FAT1: variants seen among roughly 807,000 people sequenced by gnomAD.
The protein encoded by FAT1 is protocadherin Fat 1.
A neutral mutation model predicts 329.8 loss-of-function variants in FAT1; 171 were observed. The observed-to-expected ratio is 0.52, with a 90% CI of 0.46 to 0.59. The LOEUF (loss-of-function observed/expected upper bound fraction) is 0.59, where lower values mean the gene tolerates loss of function less well. FAT1 is among the 20% of genes least tolerant of loss of function. The pLI is 0.00. For missense variants in FAT1, 5,672 were observed against 5,774.4 expected (o/e 0.98, Z 0.57); for synonymous variants, 2,233 against 2,228.6 (o/e 1.00, Z -0.06).
At chr4:186,658,421 G>A (rs1742017318) in intron 3 of FAT1, among the ~76,000 whole-genome samples, 1 of 152,108 alleles carries the variant, frequency 6.6e-6, no homozygotes, top group Non-Finnish European at 1.5e-5. Flanking sequence ...TTCTTGTTGT[G>A]ACTTTTAAAA....
In FAT1 at chr4:186,686,563, C is replaced by T. The variant is rs139318292; in HGVS notation, c.3265+20000G>A. On this transcript the variant is annotated intron_variant, in intron 2 of 26. Coordinates refer to ENST00000441802, the MANE Select transcript of FAT1 (RefSeq NM_005245.4). ...TAATATTTAATTATTGAATCTATTG[C>T]CTAAAGTCAGCAACTTTAAACTGGT... is the stretch of plus-strand genomic sequence containing the variant. 1.1e-3 allele frequency among the ~76,000 whole-genome samples: 167 copies of T among 152,290 alleles called. 1 individual carries two copies. Among genetic ancestry groups the T allele is most frequent in the African/African-American group, 3.6e-3 (150 of 41,550 alleles).
At chr4:186,682,841 A>G (rs569503366) in intron 2 of FAT1, among the ~76,000 whole-genome samples, 1 of 152,322 alleles carries the variant, frequency 6.6e-6, no homozygotes, top group East Asian at 1.9e-4. Flanking sequence ...GGAACCAGGC[A>G]GAAAGCCTGG....
chr4:186,725,751 T>TC (rs1205239364), upstream of FAT1, among the ~76,000 whole-genome samples: 1 of 152,116 alleles, frequency 6.6e-6, no homozygotes, highest in East Asian at 1.9e-4. The surrounding 1 kb of genome is among the most constrained non-coding windows in gnomAD (Gnocchi z 5.4). Flanking sequence ...TAATCGACCC[T>TC]CCCTAACCCT....
chr4:186,712,442 T>C (rs1007357157), intron 1 of FAT1, among the ~76,000 whole-genome samples: 2 of 152,174 alleles, frequency 1.3e-5, no homozygotes, highest in Non-Finnish European at 2.9e-5. Context: ...TTTACATAGG[T>C]TTAATGAGCA....
At chr4:186,631,331 TG>T (rs1740579295) in intron 7 of FAT1, among the ~76,000 whole-genome samples, 3 of 141,042 alleles carry the variant, frequency 2.1e-5, no homozygotes, top group African/African-American at 8.2e-5. Context: ...AGTGTCTCAC[TG>T]CCCAGCTGAC....
rs187708253 is a variant in FAT1 at position 186,710,032 on chromosome 4, T to C, written c.-18-187A>G. Among the ~76,000 whole-genome samples the C allele has an allele frequency of 2.6e-5, 4 of 152,352 alleles. No homozygotes were observed. In the East Asian group the frequency reaches 7.7e-4, roughly 29 times the overall value. ...AACATTCTTGTAACATGTCTAGAAT[T>C]ATTAAGCTTAACAAAAACTTCCTTT... On this transcript the variant is annotated intron_variant, in intron 1 of 26. Transcript: ENST00000441802.
At chr4:186,594,964 T>C (rs998248607) in intron 26 of FAT1, among the ~76,000 whole-genome samples, 19 of 152,042 alleles carry the variant, frequency 1.2e-4, no homozygotes, top group African/African-American at 4.1e-4. Context: ...GATTCAAAAA[T>C]TTCCACTAAA....
intron 2 of FAT1, among the ~76,000 whole-genome samples, chr4:186,675,769 C>T (rs1475958513): frequency 1.4e-5 from 2 of 142,138 alleles, no homozygotes; most frequent in Non-Finnish European, 3.0e-5. Context: ...CACATACACA[C>T]GACCCTGTCT....
At chr4:186,694,662 A>G (rs879342588) in intron 2 of FAT1, among the ~76,000 whole-genome samples, 1 of 152,168 alleles carries the variant, frequency 6.6e-6, no homozygotes, top group Non-Finnish European at 1.5e-5. Context: ...AGTAACCAAG[A>G]CACTTAAAAT....
At chr4:186,721,206 G>A (rs1745455694) in intron 1 of FAT1, among the ~76,000 whole-genome samples, 5 of 152,154 alleles carry the variant, frequency 3.3e-5, no homozygotes, top group Admixed American at 3.3e-4. Flanking sequence ...AATTAAGCAA[G>A]AATTCAGGCA....
intron 2 of FAT1, among the ~76,000 whole-genome samples, chr4:186,673,488 T>A (rs1742822321): frequency 6.6e-6 from 1 of 152,182 alleles, no homozygotes; most frequent in South Asian, 2.1e-4. Context: ...TACACAAAGC[T>A]TTAGGTCTAG....
rs1738083849 is a variant in FAT1, at chr4:186,588,789, G to C, written c.13570C>G (p.Gln4524Glu). Residue 4524 changes from glutamine (Q) to glutamate (E), a missense_variant, in exon 27 of 27, where the codon CAA (glutamine) becomes GAA (glutamate). Transcript: ENST00000441802. ...ACAGCGGGCGCCTCGAAGTGTCTTT[G>C]ATACCCTGGCGGGTAAGGGGCATGG... ...EPHAPYPPGY[Q>E]RHFEAPAVES... 1.9e-6 allele frequency: 3 copies of C among 1,614,000 alleles called. No homozygotes were observed. The highest frequency in any genetic ancestry group is 2.5e-6 in the Non-Finnish European group (3 of 1,179,880).
intron 1 of FAT1, among the ~76,000 whole-genome samples, chr4:186,720,140 G>C (rs1275023590): frequency 6.6e-6 from 1 of 152,200 alleles, no homozygotes; most frequent in Non-Finnish European, 1.5e-5. Flanking sequence ...ACACCACCTA[G>C]TGGTGAAGGC....
chr4:186,663,690 C>T (rs1451394818), intron 2 of FAT1, 77 bp from the exon 3 acceptor site: 19 of 1,166,270 alleles, frequency 1.6e-5, no homozygotes, highest in African/African-American at 4.6e-5. Context: ...TCAACAACTA[C>T]GGCTTACTGA....
At chr4:186,658,976 G>A (rs1298033707) in intron 3 of FAT1, among the ~76,000 whole-genome samples, 5 of 152,168 alleles carry the variant, frequency 3.3e-5, no homozygotes, top group African/African-American at 1.2e-4. Context: ...AAATAAACAC[G>A]GCCACGCACT....
At chr4:186,693,469 G>A (rs982543641) in intron 2 of FAT1, among the ~76,000 whole-genome samples, 3 of 144,166 alleles carry the variant, frequency 2.1e-5, no homozygotes, top group Non-Finnish European at 3.0e-5. Context: ...CCAGAACCCC[G>A]AGACCACCAT....
chr4:186,619,191 CAGGTT>C lies in FAT1; in HGVS notation c.7390_7394del (p.Asn2464ValfsTer4). 6.2e-7 allele frequency: 1 copy of C among 1,613,958 alleles called. No homozygotes were observed. The highest frequency in any genetic ancestry group is 8.5e-7 in the Non-Finnish European group (1 of 1,179,890). ...TTCTAAAAACTCCATCAGACACTGA[CAGGTT>C]AAGACTGTAAAATGGCTTCAGGGCG... On this transcript the variant is annotated frameshift_variant, in exon 10 of 27. Coordinates refer to ENST00000441802, the MANE Select transcript of FAT1 (RefSeq NM_005245.4). LOFTEE classifies it high-confidence loss of function.
rs2126544936 is a variant in FAT1 at position 186,628,672 on chromosome 4, T to C, written c.4415A>G (p.Glu1472Gly). The change falls in exon 8 of 27, where the codon GAA (glutamate) becomes GGA (glycine). Residue 1472 changes from glutamate (E) to glycine (G), a missense_variant. Glu to Gly is a moderately conservative substitution (Grantham distance 98). Around this residue, in one of 2 missense-constraint regions of FAT1, gnomAD observed 3,966 missense variants for 3,915.2 expected, o/e 1.01. Transcript: ENST00000441802. ...EVVIPEDTAP[E>G]TEILQISAVD... ...AGCACTGATTTGCAAAATTTCTGTTTCTGGCGCTGTATCTTCAGGAATAAC... is the reference window on the plus strand; with the variant it reads ...AGCACTGATTTGCAAAATTTCTGTTCCTGGCGCTGTATCTTCAGGAATAAC... The C allele has an allele frequency of 6.2e-7, 1 of 1,614,048 alleles. No homozygotes were observed. The highest frequency in any genetic ancestry group is 8.5e-7 in the Non-Finnish European group (1 of 1,179,906).
rs796881274 is a variant in FAT1 at position 186,623,338 on chromosome 4, C to A, written c.4811-1563G>T. 3.6e-4 allele frequency among the ~76,000 whole-genome samples: 55 copies of A among 152,290 alleles called. 1 individual carries two copies. Among genetic ancestry groups the A allele is most frequent in the African/African-American group, 1.3e-3 (54 of 41,556 alleles). ...ATTGCATTTTTGGCCGTCGTCAGAA[C>A]GCCAAGATCCTTTTCTCATCCCACC... On this transcript the variant is annotated intron_variant, in intron 9 of 26. Transcript: ENST00000441802.
Sources: allele counts gnomAD v4.1 joint callset (sites outside exome capture counted in the v4.1 genomes callset), GRCh38; gene constraint gnomAD v4.1.1; regional missense constraint gnomAD v4.1.1; non-coding constraint Gnocchi (gnomAD v3.1); transcripts MANE v1.5; gene names NCBI Gene and HGNC (gene_info 2026-07-23, HGNC 2026-07-21).